Variants in BORCS7 observed in about 807,000 individuals in gnomAD.
BORCS7 encodes the protein BLOC-1 related complex subunit 7, also known as BLOC-1-related complex subunit 7.
A neutral mutation model predicts 17.5 loss-of-function variants in BORCS7; 20 were observed. The observed-to-expected ratio is 1.14, with a 90% CI of 0.80 to 1.66. BORCS7 has a LOEUF of 1.66. Ranked by LOEUF, BORCS7 falls within the 40% of genes most tolerant of loss-of-function variation. The pLI, the probability that BORCS7 is intolerant of heterozygous loss-of-function variation, is 0.00. For missense variants in BORCS7, 122 were observed against 129.7 expected, an observed-to-expected ratio of 0.94 and a Z score of 0.29; for synonymous variants, 57 against 49.8, an observed-to-expected ratio of 1.14 and a Z score of -0.61.
In BORCS7 at chr10:102,863,023, C is replaced by A; in HGVS notation, c.*99C>A. 3 of 1,172,312 alleles carry A rather than the reference C, an allele frequency of 2.6e-6. No homozygotes were observed. Among genetic ancestry groups the A allele is most frequent in the Non-Finnish European group, 3.8e-6 (3 of 787,552 alleles). The allele number at this position is 1,172,312 out of a possible 1,614,324, so 72.6% of individuals were successfully genotyped here. ...GGGTTTGGTTTTCTATTTTCTTCTC[C>A]AAAAGTTAAGTTAGAAAAGTTCTGT... On this transcript the variant is annotated 3_prime_UTR_variant, in exon 5 of 5. Transcript: ENST00000339834.
chr10:102,854,775 T>G (rs376005734), intron 1 of BORCS7, among the ~76,000 whole-genome samples: 2 of 151,404 alleles, frequency 1.3e-5, no homozygotes, highest in East Asian at 3.9e-4. Context: ...TAAAAAAATA[T>G]ATAGCCGAGC....
In BORCS7 at chr10:102,863,542, A is replaced by G. The variant is rs1032949400; in HGVS notation, c.*618A>G. 3 of 152,194 alleles carry G rather than the reference A, an allele frequency of 2.0e-5. No individual in the cohort carries two copies. The highest frequency in any genetic ancestry group is 4.4e-5 in the Non-Finnish European group (3 of 68,052). 9.4% of individuals were successfully genotyped at this position (152,194 alleles called of 1,614,324 possible). ...TTCCTATAGAACTTTTAATATGTCA[A>G]AAGCTATATTGTCTAAATTTCAGTA... On this transcript the variant is annotated 3_prime_UTR_variant, in exon 5 of 5. Coordinates refer to ENST00000339834, the MANE Select transcript of BORCS7 (RefSeq NM_001136200.2).
rs1216939763 is a variant in BORCS7, at chr10:102,864,567, GTA to G, written c.*1645_*1646del. 1 of 152,058 alleles carries G rather than the reference GTA, an allele frequency of 6.6e-6. No homozygotes were observed. The highest frequency in any genetic ancestry group is 6.6e-5 in the Admixed American group (1 of 15,258). 9.4% of individuals were successfully genotyped at this position (152,058 alleles called of 1,614,324 possible). A position where few individuals can be genotyped will look rare whatever the true frequency, so the allele number is the denominator to read the frequency against. On this transcript the variant is annotated 3_prime_UTR_variant, in exon 5 of 5. Coordinates refer to ENST00000339834, the MANE Select transcript of BORCS7 (RefSeq NM_001136200.2). The stretch of plus-strand genomic sequence containing the variant: ...TAAAGAAGCAGTGATTGCTTACAAT[GTA>G]TGTGATAAAATAATACCTTTCACAA...
At chr10:102,861,205 AG>A (rs1844514605) in intron 3 of BORCS7, among the ~76,000 whole-genome samples, 1 of 151,992 alleles carries the variant, frequency 6.6e-6, no homozygotes, top group Non-Finnish European at 1.5e-5. Flanking sequence ...ACCTGAGATC[AG>A]GGGTTCAAGA....
chr10:102,860,403 C>T lies in BORCS7; in HGVS notation c.204+9C>T, dbSNP rs1844497493. 6.2e-7 allele frequency: 1 copy of T among 1,613,058 alleles called. No homozygotes were observed. Among genetic ancestry groups the T allele is most frequent in the South Asian group, 1.1e-5 (1 of 91,048 alleles). On this transcript the variant is annotated intron_variant, in intron 2 of 4. Transcript: ENST00000339834. ...TCTTGCACTCAGAAGATGTAAGAAA[C>T]AACTTTTTTTTTTAATGATTTGGGT...
At chr10:102,855,850 C>T (rs1037505606) in intron 1 of BORCS7, among the ~76,000 whole-genome samples, 3 of 152,184 alleles carry the variant, frequency 2.0e-5, no homozygotes, top group African/African-American at 7.2e-5. Context: ...CAACCTCTGC[C>T]TCCTGGGTTC....
At position 102,862,164 on chromosome 10, in the gene BORCS7, G is replaced by T. The variant is rs1379699898; in HGVS notation, c.253G>T (p.Glu85Ter). 6.2e-7 allele frequency: 1 copy of T among 1,609,030 alleles called. No individual in the cohort carries two copies. Among genetic ancestry groups the T allele is most frequent in the East Asian group, 2.2e-5 (1 of 44,838 alleles). ...CTCTTTCCTTTTCTGATTTAGGCAA[G>T]AAGCTATTCAGAAGAAGTAAGTAAC... ...IITTHLQYQQ[E>*]AIQKNVEQSS... Residue 85 changes from glutamate to a stop codon, truncating the protein, a stop_gained, in exon 4 of 5, where the codon GAA becomes TAA. Coordinates refer to ENST00000339834, the MANE Select transcript of BORCS7 (RefSeq NM_001136200.2). LOFTEE classifies it high-confidence loss of function.
intron 1 of BORCS7, 137 bp from the exon 2 acceptor site, chr10:102,860,195 A>G (rs1308398490): frequency 3.5e-5 from 25 of 709,878 alleles, no homozygotes; most frequent in Non-Finnish European, 4.5e-5. Context: ...ATTATCCTTC[A>G]TTACATTTTG....
At chr10:102,862,787 G>GAA in intron 4 of BORCS7, 86 bp from the exon 5 acceptor site, 8 of 1,212,768 alleles carry the variant, frequency 6.6e-6, no homozygotes, top group Non-Finnish European at 8.3e-6. Flanking sequence ...GTCTGTAATG[G>GAA]AAAAAAAAAA....
intron 4 of BORCS7, among the ~76,000 whole-genome samples, chr10:102,862,391 TA>T (rs1340657253): frequency 1.3e-5 from 2 of 152,214 alleles, no homozygotes; most frequent in Non-Finnish European, 2.9e-5. Context: ...TAAAACTTTC[TA>T]AAAGTTATGG....
intron 1 of BORCS7, 104 bp from the exon 2 acceptor site, chr10:102,860,228 G>A (rs1347750678): frequency 3.4e-6 from 3 of 874,090 alleles, no homozygotes; most frequent in East Asian, 2.6e-5. Context: ...TGTATAGGGT[G>A]GAGGAGTGGG....
chr10:102,856,023 A>G (rs898770191), intron 1 of BORCS7, among the ~76,000 whole-genome samples: 1 of 152,088 alleles, frequency 6.6e-6, no homozygotes, highest in Admixed American at 6.5e-5. Context: ...TTGGCCCCCT[A>G]AAGTGCTGGG....
chr10:102,857,620 C>T (rs1040147293), intron 1 of BORCS7, among the ~76,000 whole-genome samples: 4 of 152,148 alleles, frequency 2.6e-5, no homozygotes, highest in Non-Finnish European at 5.9e-5. Flanking sequence ...ATATTTGTAA[C>T]AGTAAAAGCT....
Position 102,860,557 on chromosome 10 carries a change from C to T in BORCS7, c.248+16C>T, listed in dbSNP as rs745554552. ...TTCAATACCAGTGAGTATGCCCCCTCCAGCAACTATTTGCTGCAGAATCAT... is the reference window on the plus strand; with the variant it reads ...TTCAATACCAGTGAGTATGCCCCCTTCAGCAACTATTTGCTGCAGAATCAT... On this transcript the variant is annotated intron_variant, in intron 3 of 4. Transcript: ENST00000339834. 3 of 1,609,522 alleles carry T rather than the reference C, an allele frequency of 1.9e-6. No homozygotes were observed. The highest frequency in any genetic ancestry group is 3.3e-5 in the Admixed American group (2 of 60,006).
chr10:102,856,759 A>T (rs1844433224), intron 1 of BORCS7, among the ~76,000 whole-genome samples: 2 of 152,248 alleles, frequency 1.3e-5, no homozygotes, highest in Non-Finnish European at 1.5e-5. Flanking sequence ...TGGTCTGTTT[A>T]TGTAGGAAAG....
At chr10:102,858,578 A>G (rs1230453958) in intron 1 of BORCS7, among the ~76,000 whole-genome samples, 1 of 152,134 alleles carries the variant, frequency 6.6e-6, no homozygotes, top group African/African-American at 2.4e-5. Flanking sequence ...TGAATCCAGG[A>G]TGCGGAGGTT....
chr10:102,856,646 C>G (rs571344392), intron 1 of BORCS7, among the ~76,000 whole-genome samples: 3 of 152,142 alleles, frequency 2.0e-5, no homozygotes, highest in Non-Finnish European at 4.4e-5. Context: ...TTATAGAAAT[C>G]TAAAAAGATT....
intron 4 of BORCS7, 78 bp downstream of exon 4, chr10:102,862,258 C>G (rs948792873): frequency 1.3e-5 from 18 of 1,387,178 alleles, no homozygotes; most frequent in Middle Eastern, 1.8e-4. Context: ...GGTCCAGAAT[C>G]AATACAAAAC....
intron 1 of BORCS7, among the ~76,000 whole-genome samples, chr10:102,855,920 C>T (rs1379622516): frequency 2.0e-5 from 3 of 152,084 alleles, no homozygotes; most frequent in Admixed American, 6.5e-5. Flanking sequence ...TGCCACCACA[C>T]CCAGCTAATT....
Sources: gnomAD v4.1 joint callset for allele counts (sites outside exome capture counted in the v4.1 genomes callset) on GRCh38, gnomAD v4.1.1 for gene constraint, MANE v1.5 for transcripts, NCBI Gene and HGNC (gene_info 2026-07-23, HGNC 2026-07-21) for gene names.